The following SLC25A38 variants were observed in gnomAD, a reference collection of about 807,000 sequenced individuals.
SLC25A38 encodes the protein solute carrier family 25 member 38.
Under a neutral mutation model 33.4 loss-of-function variants are expected in SLC25A38, and 27 were observed. That is an observed-to-expected ratio of 0.81 (90% confidence interval 0.60 to 1.11). SLC25A38 has a LOEUF of 1.11. SLC25A38 is among the 50% of genes most tolerant of loss of function. SLC25A38 has a pLI of 0.00. For missense variants in SLC25A38, 344 were observed against 388.8 expected (o/e 0.88, Z 0.97); for synonymous variants, 123 against 145.9 (o/e 0.84, Z 1.13).
intron 1 of SLC25A38, chr3:39,384,413 G>C (rs997672266): frequency 3.2e-5 from 11 of 348,524 alleles, no homozygotes; most frequent in African/African-American, 2.3e-4. Flanking sequence ...AGGTGGAGTC[G>C]GGGTGCAACC....
chr3:39,389,555 C>T lies in SLC25A38; in HGVS notation c.130C>T (p.Leu44Phe), dbSNP rs756367484. ...CATCAGTGGGACCTGCTCTACCCTC[C>T]TTTTCCAACCTCTGGATCTCCTTAA... The part of the protein sequence containing the change: ...GSISGTCSTL[L>F]FQPLDLLKTR... Residue 44 changes from leucine to phenylalanine, a missense_variant, in exon 2 of 7, where the codon CTT becomes TTT. Leu to Phe is a conservative substitution (Grantham distance 22, BLOSUM62 0). This residue lies in a region of SLC25A38 where 269 missense variants were observed against 271.8 expected (regional missense o/e 0.99). Coordinates refer to ENST00000650617, the MANE Select transcript of SLC25A38 (RefSeq NM_017875.4). The surrounding 1 kb of genome is among the most constrained non-coding windows in gnomAD (Gnocchi z 4.5). 9 of 1,614,190 alleles carry T rather than the reference C, an allele frequency of 5.6e-6. No homozygotes were observed. Among genetic ancestry groups the T allele is most frequent in the South Asian group, 1.1e-5 (1 of 91,086 alleles).
At chr3:39,392,129 C>T in intron 5 of SLC25A38, 108 bp downstream of exon 5, 1 of 1,407,664 alleles carries the variant, frequency 7.1e-7, no homozygotes, top group Non-Finnish European at 1.0e-6. Context: ...GTGTTAGGAA[C>T]TGAGCCATAT....
chr3:39,392,043 G>A (rs778804260), intron 5 of SLC25A38, 22 bp downstream of exon 5: 1 of 1,613,872 alleles, frequency 6.2e-7, no homozygotes, highest in Admixed American at 1.7e-5. Flanking sequence ...GGAAGATCTG[G>A]GGAAGAGCTA....
intron 6 of SLC25A38, among the ~76,000 whole-genome samples, chr3:39,394,859 C>T (rs1275756723): frequency 6.6e-6 from 1 of 152,014 alleles, no homozygotes; most frequent in Non-Finnish European, 1.5e-5. Context: ...TTGTTAAACA[C>T]TGCAGATTGC....
chr3:39,390,144 T>C (rs940422427), intron 2 of SLC25A38, among the ~76,000 whole-genome samples: 1 of 152,212 alleles, frequency 6.6e-6, no homozygotes, highest in Non-Finnish European at 1.5e-5. Flanking sequence ...TTTCGCCATG[T>C]TGGCCAGGCT....
At chr3:39,383,939 T>C in intron 1 of SLC25A38, 146 bp downstream of exon 1, 1 of 931,902 alleles carries the variant, frequency 1.1e-6, no homozygotes, top group East Asian at 2.6e-5. Flanking sequence ...GGAGTCTGAC[T>C]AAGGGAATTG....
rs544039281 is a variant in SLC25A38 at position 39,389,226 on chromosome 3, A to T, written c.70-269A>T. The T allele has an allele frequency of 1.5e-5, 10 of 674,008 alleles. No homozygotes were observed. Among genetic ancestry groups the T allele is most frequent in the Non-Finnish European group, 2.7e-5 (10 of 371,662 alleles). 41.8% of individuals were successfully genotyped at this position (674,008 alleles called of 1,614,324 possible). A position where few individuals can be genotyped will look rare whatever the true frequency, so the allele number is the denominator to read the frequency against. On this transcript the variant is annotated intron_variant, in intron 1 of 6. Coordinates refer to ENST00000650617, the MANE Select transcript of SLC25A38 (RefSeq NM_017875.4). This position sits in a 1 kb window ranked among gnomAD's most constrained non-coding sequence, Gnocchi z 4.5. ...CAAATAGGGAAGAGTGGTCAGTGGCATGGAAATAGTTTTGCTCCCACTGAG... is the reference window on the plus strand; with the variant it reads ...CAAATAGGGAAGAGTGGTCAGTGGCTTGGAAATAGTTTTGCTCCCACTGAG...
Position 39,396,914 on chromosome 3 carries a change from C to T in SLC25A38, c.*394C>T, listed in dbSNP as rs563191269. 22 of 331,654 alleles carry T rather than the reference C, an allele frequency of 6.6e-5. No individual in the cohort carries two copies. The highest frequency in any genetic ancestry group is 3.8e-4 in the East Asian group (5 of 13,156). The allele number at this position is 331,654 out of a possible 1,614,324, so 20.5% of individuals were successfully genotyped here. A position where few individuals can be genotyped will look rare whatever the true frequency, so the allele number is the denominator to read the frequency against. On this transcript the variant is annotated 3_prime_UTR_variant, in exon 7 of 7. Coordinates refer to ENST00000650617, the MANE Select transcript of SLC25A38 (RefSeq NM_017875.4). ...GCCAGAGAAGCTGTAAGCTGCCTGC[C>T]GGGCCTGAGGAGCTCCAACCAGGGA...
At chr3:39,384,945 G>C (rs965688160) in intron 1 of SLC25A38, among the ~76,000 whole-genome samples, 97 of 152,098 alleles carry the variant, frequency 6.4e-4, no homozygotes, top group African/African-American at 2.2e-3. Context: ...GGGATTACAG[G>C]CGTGCGCCAC....
intron 6 of SLC25A38, 131 bp downstream of exon 6, chr3:39,394,707 C>A: frequency 2.0e-6 from 2 of 1,003,098 alleles, no homozygotes; most frequent in Non-Finnish European, 3.0e-6. Flanking sequence ...AGGTTAAAAT[C>A]TAGGCCAACT....
At chr3:39,387,623 A>G (rs759642418) in intron 1 of SLC25A38, among the ~76,000 whole-genome samples, 12 of 152,140 alleles carry the variant, frequency 7.9e-5, no homozygotes, top group Non-Finnish European at 1.2e-4. Context: ...TGAATTTGAG[A>G]TGCCTGTGGG....
chr3:39,394,348 C>T lies in SLC25A38; in HGVS notation c.626-62C>T. 4.4e-6 allele frequency: 7 copies of T among 1,603,716 alleles called. No individual in the cohort carries two copies. The South Asian group carries it at 7.7e-5, about 18-fold the overall frequency. ...TGGGGAAGAATTGGTGGGCAACTTG[C>T]ACTGACCTTTATCTGATTAATATAA... On this transcript the variant is annotated intron_variant, in intron 5 of 6. Coordinates refer to ENST00000650617, the MANE Select transcript of SLC25A38 (RefSeq NM_017875.4).
rs1422847175 is a variant in SLC25A38, at chr3:39,390,524, G to A, written c.276+17G>A. On this transcript the variant is annotated intron_variant, in intron 3 of 6. Transcript: ENST00000650617. ...ATGTCCCCTGTAAGCTGCCATCTGG[G>A]TCTAGGTTCCCTAGCATCCACTCCT... The A allele has an allele frequency of 3.1e-6, 5 of 1,613,446 alleles. No homozygotes were observed. Among genetic ancestry groups the A allele is most frequent in the Admixed American group, 1.7e-5 (1 of 60,008 alleles).
chr3:39,386,100 C>A (rs963929221), intron 1 of SLC25A38, among the ~76,000 whole-genome samples: 15 of 152,118 alleles, frequency 9.9e-5, no homozygotes, highest in Admixed American at 8.5e-4. Flanking sequence ...AATTATAATT[C>A]AATTAGTATT....
At chr3:39,390,302 T>G (rs2041747568) in intron 2 of SLC25A38, 121 bp from the exon 3 acceptor site, 4 of 967,252 alleles carry the variant, frequency 4.1e-6, no homozygotes, top group South Asian at 2.6e-5. Flanking sequence ...AGGTGCATTG[T>G]AGAGATTGTT....
Position 39,391,623 on chromosome 3 carries a change from G to A in SLC25A38, c.456+3G>A. On this transcript the variant is annotated splice_donor_region_variant and intron_variant, in intron 4 of 6. Coordinates refer to ENST00000650617, the MANE Select transcript of SLC25A38 (RefSeq NM_017875.4). ...CTGTAATCAAGACGCGCTATGAGGTGAGTTCAACCACTTTAGGGCCTCAGG... is the reference window on the plus strand; with the variant it reads ...CTGTAATCAAGACGCGCTATGAGGTAAGTTCAACCACTTTAGGGCCTCAGG... 3 of 1,614,202 alleles carry A rather than the reference G, an allele frequency of 1.9e-6. No individual in the cohort carries two copies. Among genetic ancestry groups the A allele is most frequent in the East Asian group, 4.5e-5 (2 of 44,880 alleles).
intron 4 of SLC25A38, 31 bp from the exon 5 acceptor site, chr3:39,391,822 G>C (rs1181390583): frequency 6.2e-7 from 1 of 1,612,786 alleles, no homozygotes; most frequent in South Asian, 1.1e-5. Flanking sequence ...GCGCCTCCAT[G>C]CGAGTCACTG....
rs368651459 is a variant in SLC25A38, at chr3:39,394,594, G to A, written c.792+18G>A. 13 of 1,613,934 alleles carry A rather than the reference G, an allele frequency of 8.1e-6. No individual in the cohort carries two copies. In the African/African-American group the frequency reaches 1.7e-4, roughly 22 times the overall value. On this transcript the variant is annotated intron_variant, in intron 6 of 6. Coordinates refer to ENST00000650617, the MANE Select transcript of SLC25A38 (RefSeq NM_017875.4). ...TTTTCAAAGTAAGACTACAAAATAA[G>A]TACTGGTTCTTGTGGTGTTTAAGGA... is the stretch of plus-strand genomic sequence containing the variant.
chr3:39,396,843 C>A lies in SLC25A38; in HGVS notation c.*323C>A. On this transcript the variant is annotated 3_prime_UTR_variant, in exon 7 of 7. Transcript: ENST00000650617. ...TGGCTGCGCTTCAGCCCCACCCCTACACCACAGGGTCTCCTTGGGTATGTT... is the reference window on the plus strand; with the variant it reads ...TGGCTGCGCTTCAGCCCCACCCCTAAACCACAGGGTCTCCTTGGGTATGTT... The A allele has an allele frequency of 2.6e-6, 1 of 388,988 alleles. No individual in the cohort carries two copies. The highest frequency in any genetic ancestry group is 4.9e-6 in the Non-Finnish European group (1 of 203,332). The allele number at this position is 388,988 out of a possible 1,614,324, so 24.1% of individuals were successfully genotyped here. A position where few individuals can be genotyped will look rare whatever the true frequency, so the allele number is the denominator to read the frequency against.
Sources: allele counts gnomAD v4.1 joint callset (sites outside exome capture counted in the v4.1 genomes callset), GRCh38; gene constraint gnomAD v4.1.1; regional missense constraint gnomAD v4.1.1; non-coding constraint Gnocchi (gnomAD v3.1); transcripts MANE v1.5; gene names NCBI Gene and HGNC (gene_info 2026-07-23, HGNC 2026-07-21).